Variants in MSTN observed in about 807,000 individuals in gnomAD.
MSTN encodes the protein growth/differentiation factor 8.
In MSTN, 12 loss-of-function variants were observed where a neutral mutation model predicts 32.3. That is an observed-to-expected ratio of 0.37 (90% CI 0.24 to 0.60). The LOEUF is 0.60. Ranked by LOEUF, MSTN falls within the 20% of genes least tolerant of loss-of-function variation. MSTN has a pLI of 0.67. For missense variants in MSTN, 403 were observed against 450.3 expected (o/e 0.89, Z 0.95); for synonymous variants, 168 against 155.1 (o/e 1.08, Z -0.62).
rs937899075 is a variant in MSTN, at chr2:190,056,092, G to T, written c.*1166C>A. 1.3e-5 allele frequency: 2 copies of T among 152,384 alleles called. No individual in the cohort carries two copies. The highest frequency in any genetic ancestry group is 4.8e-5 in the African/African-American group (2 of 41,364). 9.4% of individuals were successfully genotyped at this position (152,384 alleles called of 1,614,324 possible). On this transcript the variant is annotated 3_prime_UTR_variant, in exon 3 of 3. Coordinates refer to ENST00000260950, the MANE Select transcript of MSTN (RefSeq NM_005259.3). Reference sequence around the variant, plus strand: ...TTAATCATGTAAAAAAATATAAAATGATTGTAATATAACCATCTAATCATT... The same window carrying T: ...TTAATCATGTAAAAAAATATAAAATTATTGTAATATAACCATCTAATCATT...
intron 2 of MSTN, 117 bp downstream of exon 2, chr2:190,059,945 G>T: frequency 9.2e-7 from 1 of 1,081,396 alleles, no homozygotes. Flanking sequence ...GTTGGGGTAA[G>T]ATACCTTTGT....
At position 190,056,015 on chromosome 2, in the gene MSTN, A is replaced by G. The variant is rs2105747730; in HGVS notation, c.*1243T>C. ...GATTTAAACACAATGACAGTAAACC[A>G]TTGAAATTTCAAATTCACTTTATAC... is the stretch of plus-strand genomic sequence containing the variant. On this transcript the variant is annotated 3_prime_UTR_variant, in exon 3 of 3. Transcript: ENST00000260950. The G allele has an allele frequency of 6.5e-6, 1 of 152,708 alleles. No individual in the cohort carries two copies. The highest frequency in any genetic ancestry group is 2.1e-4 in the South Asian group (1 of 4,830). The allele number at this position is 152,708 out of a possible 1,614,324, so 9.5% of individuals were successfully genotyped here. A position where few individuals can be genotyped will look rare whatever the true frequency, so the allele number is the denominator to read the frequency against.
rs1685626625 is a variant in MSTN at position 190,062,522 on chromosome 2, C to T, written c.75G>A (p.Glu25=). 2.5e-6 allele frequency: 4 copies of T among 1,613,328 alleles called. No homozygotes were observed. Among genetic ancestry groups the T allele is most frequent in the Non-Finnish European group, 3.4e-6 (4 of 1,179,554 alleles). The change falls in exon 1 of 3, where the codon GAG becomes GAA. Residue 25 remains glutamate (E), a synonymous_variant. Coordinates refer to ENST00000260950, the MANE Select transcript of MSTN (RefSeq NM_005259.3). The part of the protein sequence containing the change: ...LIVAGPVDLN[E]NSEQKENVEK... ...CCACATTTTCTTTTTGCTCACTGTT[C>T]TCATTTAGATCCACTGGACCAGCAA...
Position 190,057,256 on chromosome 2 carries a change from T to C in MSTN, c.*2A>G, listed in dbSNP as rs745781869. ...GGAAGTTATGAACGCTTAATATAAA[T>C]CTCATGAGCACCCACAGCGGTCTAC... On this transcript the variant is annotated 3_prime_UTR_variant, in exon 3 of 3. Coordinates refer to ENST00000260950, the MANE Select transcript of MSTN (RefSeq NM_005259.3). 1.5e-5 allele frequency: 24 copies of C among 1,612,948 alleles called. No individual in the cohort carries two copies. Among genetic ancestry groups the C allele is most frequent in the Non-Finnish European group, 2.0e-5 (23 of 1,179,316 alleles).
Position 190,057,656 on chromosome 2 carries a change from AAC to A in MSTN, c.748-20_748-19del. ...AACGGATTCTGTTTGAAAAGGAAAGAACAATCAGTAATATCAATAGGCCTGGA... is the reference window on the plus strand; with the variant it reads ...AACGGATTCTGTTTGAAAAGGAAAGAAATCAGTAATATCAATAGGCCTGGA... On this transcript the variant is annotated intron_variant, in intron 2 of 2. Transcript: ENST00000260950. 6.2e-7 allele frequency: 1 copy of A among 1,612,320 alleles called. No homozygotes were observed. The highest frequency in any genetic ancestry group is 1.3e-5 in the African/African-American group (1 of 74,950).
intron 2 of MSTN, among the ~76,000 whole-genome samples, chr2:190,058,007 A>G (rs1449258691): frequency 6.6e-6 from 1 of 152,004 alleles, no homozygotes. Flanking sequence ...AATGAAGGAA[A>G]GAGCTAACAG....
chr2:190,060,673 C>T (rs916623496), intron 1 of MSTN, among the ~76,000 whole-genome samples: 2 of 152,012 alleles, frequency 1.3e-5, no homozygotes, highest in East Asian at 3.9e-4. Flanking sequence ...ATCTATTCCC[C>T]TTCCAGAGAA....
In MSTN at chr2:190,056,381, T is replaced by C. The variant is rs1685428852; in HGVS notation, c.*877A>G. The C allele has an allele frequency of 6.6e-6, 1 of 151,322 alleles. No individual in the cohort carries two copies. Among genetic ancestry groups the C allele is most frequent in the Non-Finnish European group, 1.5e-5 (1 of 67,728 alleles). The allele number at this position is 151,322 out of a possible 1,614,324, so 9.4% of individuals were successfully genotyped here. On this transcript the variant is annotated 3_prime_UTR_variant, in exon 3 of 3. Transcript: ENST00000260950. Reference sequence around the variant, plus strand: ...ATTTCTATTATTTTACCATAAAAACTGCAGTGTTGCAAAGGCAGTGTTGTA... The same window carrying C: ...ATTTCTATTATTTTACCATAAAAACCGCAGTGTTGCAAAGGCAGTGTTGTA...
chr2:190,057,623 C>T lies in MSTN; in HGVS notation c.763G>A (p.Val255Ile). Residue 255 changes from valine to isoleucine, a missense_variant, in exon 3 of 3, where the codon GTC becomes ATC. Physicochemically the swap from Val to Ile is conservative, Grantham distance 29. Transcript: ENST00000260950. ...CTTTTTGGTGTGTCTGTTACCTTGA[C>T]CTCTAAAAACGGATTCTGTTTGAAA... ...GEDGLNPFLE[V>I]KVTDTPKRSR... 1.9e-6 allele frequency: 3 copies of T among 1,613,170 alleles called. No individual in the cohort carries two copies. Among genetic ancestry groups the T allele is most frequent in the Non-Finnish European group, 2.5e-6 (3 of 1,179,376 alleles).
At chr2:190,061,284 G>A (rs1014940512) in intron 1 of MSTN, among the ~76,000 whole-genome samples, 10 of 151,964 alleles carry the variant, frequency 6.6e-5, no homozygotes, top group South Asian at 6.2e-4. Context: ...AAGATAACAG[G>A]TAACACAAAA....
At position 190,057,262 on chromosome 2, in the gene MSTN, G is replaced by T; in HGVS notation, c.1124C>A (p.Ser375Ter). Residue 375 changes from serine to a stop codon, truncating the protein, a stop_gained, in exon 3 of 3, where the codon TCA becomes TAA. Transcript: ENST00000260950. LOFTEE classifies it high-confidence loss of function. ...TATGAACGCTTAATATAAATCTCATGAGCACCCACAGCGGTCTACTACCAT... is the reference window on the plus strand; with the variant it reads ...TATGAACGCTTAATATAAATCTCATTAGCACCCACAGCGGTCTACTACCAT... ...PAMVVDRCGCS is the reference protein window; with the variant it reads ...PAMVVDRCGC The T allele has an allele frequency of 6.2e-7, 1 of 1,613,082 alleles. No homozygotes were observed. The highest frequency in any genetic ancestry group is 1.1e-5 in the South Asian group (1 of 91,028).
In MSTN at chr2:190,056,705, G is replaced by C. The variant is rs1685438793; in HGVS notation, c.*553C>G. ...CTATCGTATTAGCACCGTTGGCATG[G>C]ATTGTTAATGTACTGTGTCAATTAT... On this transcript the variant is annotated 3_prime_UTR_variant, in exon 3 of 3. Coordinates refer to ENST00000260950, the MANE Select transcript of MSTN (RefSeq NM_005259.3). 6.5e-6 allele frequency: 1 copy of C among 153,774 alleles called. No individual in the cohort carries two copies. 9.5% of individuals were successfully genotyped at this position (153,774 alleles called of 1,614,324 possible).
At position 190,055,912 on chromosome 2, in the gene MSTN, T is replaced by C. The variant is rs898056802; in HGVS notation, c.*1346A>G. ...TTGTTGAGATAGCATCAGTTTATTC[T>C]TCATTTCAGATAATAGAGTCAATTA... On this transcript the variant is annotated 3_prime_UTR_variant, in exon 3 of 3. Coordinates refer to ENST00000260950, the MANE Select transcript of MSTN (RefSeq NM_005259.3). 1.3e-5 allele frequency: 2 copies of C among 152,476 alleles called. No homozygotes were observed. Among genetic ancestry groups the C allele is most frequent in the African/African-American group, 4.8e-5 (2 of 41,464 alleles). 9.4% of individuals were successfully genotyped at this position (152,476 alleles called of 1,614,324 possible).
chr2:190,057,468 G>A lies in MSTN; in HGVS notation c.918C>T (p.Ala306=), dbSNP rs1685468285. The change falls in exon 3 of 3, where the codon GCC becomes GCT. Residue 306 remains alanine, a synonymous_variant. Transcript: ENST00000260950. ...ATTCACACTCTCCAGAGCAGTAATT[G>A]GCCTTATATCTTTTAGGAGCGATAA... ...DWIIAPKRYK[A]NYCSGECEFV... 1.9e-6 allele frequency: 3 copies of A among 1,613,354 alleles called. No individual in the cohort carries two copies. Among genetic ancestry groups the A allele is most frequent in the Non-Finnish European group, 2.5e-6 (3 of 1,179,604 alleles).
In MSTN at chr2:190,062,368, TAAC is replaced by T; in HGVS notation, c.226_228del (p.Val76del). On this transcript the variant is annotated inframe_deletion, in exon 1 of 3. Transcript: ENST00000260950. ...GGAGCTTTGGGTAAAAGTTGTCTTA[TAAC>T]ATCTTTGCTGATGTTAGGAGCTGTT... is the stretch of plus-strand genomic sequence containing the variant. 2 of 1,613,442 alleles carry T rather than the reference TAAC, an allele frequency of 1.2e-6. No homozygotes were observed. Among genetic ancestry groups the T allele is most frequent in the Non-Finnish European group, 1.7e-6 (2 of 1,179,574 alleles).
chr2:190,059,615 T>C (rs1685536851), intron 2 of MSTN, among the ~76,000 whole-genome samples: 1 of 151,968 alleles, frequency 6.6e-6, no homozygotes, highest in Non-Finnish European at 1.5e-5. Flanking sequence ...AATTATAATT[T>C]TAAAAGGTTT....
At chr2:190,060,541 A>G (rs1468332697) in intron 1 of MSTN, 106 bp from the exon 2 acceptor site, 3 of 954,772 alleles carry the variant, frequency 3.1e-6, no homozygotes, top group South Asian at 3.3e-5. Flanking sequence ...ATGTATGCCT[A>G]TGCAGTCTTT....
Position 190,057,505 on chromosome 2 carries a change from C to A in MSTN, c.881G>T (p.Gly294Val). Reference protein sequence around the residue: ...YPLTVDFEAFGWDWIIAPKRY... With the variant: ...YPLTVDFEAFVWDWIIAPKRY... ...TTTAGGAGCGATAATCCAATCCCAT[C>A]CAAAAGCTTCAAAATCCACAGTTAG... Residue 294 changes from glycine to valine, a missense_variant, in exon 3 of 3, where the codon GGA (glycine) becomes GTA (valine). Transcript: ENST00000260950. The A allele has an allele frequency of 6.2e-7, 1 of 1,613,488 alleles. No homozygotes were observed. The highest frequency in any genetic ancestry group is 8.5e-7 in the Non-Finnish European group (1 of 1,179,568).
intron 1 of MSTN, among the ~76,000 whole-genome samples, 200 bp from the exon 2 acceptor site, chr2:190,060,635 C>T (rs866258301): frequency 2.0e-5 from 3 of 151,896 alleles, no homozygotes; most frequent in Non-Finnish European, 1.5e-5. Flanking sequence ...ATTTTTCAGA[C>T]GTATGTATTT....
Sources: gnomAD v4.1 joint callset for allele counts (sites outside exome capture counted in the v4.1 genomes callset) on GRCh38, gnomAD v4.1.1 for gene constraint, MANE v1.5 for transcripts, NCBI Gene and HGNC (gene_info 2026-07-23, HGNC 2026-07-21) for gene names.